Variants in ABI1 observed in about 807,000 individuals in gnomAD.
ABI1 encodes abl interactor 1, also known as Abelson interactor 1.
In ABI1, 14 loss-of-function variants were observed where a neutral mutation model predicts 54.6. The ratio of observed to expected loss-of-function variants is 0.26; its 90% CI spans 0.17 to 0.40. The LOEUF (loss-of-function observed/expected upper bound fraction) is 0.40, where lower values mean the gene tolerates loss of function less well. ABI1 is among the 10% of genes least tolerant of loss of function. The pLI, the probability that ABI1 is intolerant of heterozygous loss-of-function variation, is 1.00. For missense variants in ABI1, 443 were observed against 598.3 expected (o/e 0.74, Z 2.71); for synonymous variants, 194 against 209.3 (o/e 0.93, Z 0.63).
chr10:26,848,257 T>C (rs912463774), intron 1 of ABI1, among the ~76,000 whole-genome samples: 2 of 146,874 alleles, frequency 1.4e-5, no homozygotes, highest in Non-Finnish European at 3.0e-5. Context: ...AATATATTAG[T>C]ACCAAAGTGA....
At chr10:26,853,763 C>T (rs991812740) in intron 1 of ABI1, among the ~76,000 whole-genome samples, 1 of 151,902 alleles carries the variant, frequency 6.6e-6, no homozygotes, top group African/African-American at 2.4e-5. Context: ...AGGATGGTCT[C>T]GATCTTCTGA....
chr10:26,779,192 T>C (rs1841807550), intron 2 of ABI1, among the ~76,000 whole-genome samples: 1 of 152,180 alleles, frequency 6.6e-6, no homozygotes, highest in Non-Finnish European at 1.5e-5. Flanking sequence ...GACCAGTTAG[T>C]AGAAATTGAG....
At chr10:26,841,289 T>G (rs2049479625) in intron 1 of ABI1, among the ~76,000 whole-genome samples, 1 of 152,164 alleles carries the variant, frequency 6.6e-6, no homozygotes, top group African/African-American at 2.4e-5. Context: ...TTAAATAAAT[T>G]TTATTGTATA....
At chr10:26,802,978 A>G (rs2046656309) in intron 2 of ABI1, among the ~76,000 whole-genome samples, 1 of 152,254 alleles carries the variant, frequency 6.6e-6, no homozygotes, top group Non-Finnish European at 1.5e-5. Flanking sequence ...GGAAGATCAA[A>G]CAGAAGCTAT....
At chr10:26,782,787 T>G (rs564771099) in intron 2 of ABI1, among the ~76,000 whole-genome samples, 4 of 150,398 alleles carry the variant, frequency 2.7e-5, no homozygotes, top group Non-Finnish European at 4.4e-5. Context: ...ATACCACTTA[T>G]CATTAGGGCA....
chr10:26,788,424 T>C (rs1402838415), intron 2 of ABI1, among the ~76,000 whole-genome samples: 2 of 152,220 alleles, frequency 1.3e-5, no homozygotes, highest in Non-Finnish European at 2.9e-5. Context: ...ATCTGAATCT[T>C]ATTTATCAAA....
At chr10:26,848,200 CAAAAAAAAAAA>C (rs149066426) in intron 1 of ABI1, among the ~76,000 whole-genome samples, 1 of 78,690 alleles carries the variant, frequency 1.3e-5, no homozygotes, top group African/African-American at 4.9e-5. Flanking sequence ...GACCCTGTCT[CAAAAAAAAAAA>C]AAAAAAAAAA....
At chr10:26,832,501 G>A (rs549073594) in intron 1 of ABI1, among the ~76,000 whole-genome samples, 2 of 152,032 alleles carry the variant, frequency 1.3e-5, no homozygotes, top group Admixed American at 6.6e-5. Context: ...GAAGAATGGC[G>A]TGAACCCAGG....
intron 2 of ABI1, among the ~76,000 whole-genome samples, chr10:26,781,347 T>A (rs1329504859): frequency 6.6e-6 from 1 of 152,248 alleles, no homozygotes; most frequent in Non-Finnish European, 1.5e-5. Flanking sequence ...GCATCTCAGC[T>A]TTACATGAAA....
intron 1 of ABI1, among the ~76,000 whole-genome samples, chr10:26,835,383 T>C (rs921024545): frequency 3.0e-4 from 45 of 152,062 alleles, no homozygotes; most frequent in African/African-American, 9.7e-4. Flanking sequence ...AAGACCAGCC[T>C]GAGCAGCACA....
intron 5 of ABI1, 125 bp from the exon 6 acceptor site, chr10:26,769,117 T>C (rs1840340904): frequency 2.7e-6 from 2 of 734,362 alleles, no homozygotes; most frequent in African/African-American, 3.7e-5. Flanking sequence ...ATGACAAAGT[T>C]TGTAATTTTA....
intron 2 of ABI1, among the ~76,000 whole-genome samples, chr10:26,779,166 T>C (rs1841806516): frequency 6.6e-6 from 1 of 152,208 alleles, no homozygotes; most frequent in Non-Finnish European, 1.5e-5. Context: ...CAAAACTTTC[T>C]AGAAATGGAA....
chr10:26,774,994 A>G (rs1841205166), intron 3 of ABI1, among the ~76,000 whole-genome samples: 1 of 152,154 alleles, frequency 6.6e-6, no homozygotes, highest in Admixed American at 6.5e-5. Flanking sequence ...TTCTAAATAG[A>G]AAAGTGGGCA....
intron 2 of ABI1, among the ~76,000 whole-genome samples, chr10:26,785,398 G>A (rs1252960628): frequency 6.6e-6 from 1 of 152,152 alleles, no homozygotes; most frequent in Admixed American, 6.5e-5. Flanking sequence ...GGAGTAAAAG[G>A]CAGGTTTGTT....
rs1564443462 is a variant in ABI1, at chr10:26,746,826, A to C, written c.*1744T>G. ...GTTTGTCTTGATTTACCGTAGGAGTAAAGGTCAGAAAAATGTGAAGTCTGC... is the reference window on the plus strand; with the variant it reads ...GTTTGTCTTGATTTACCGTAGGAGTCAAGGTCAGAAAAATGTGAAGTCTGC... On this transcript the variant is annotated 3_prime_UTR_variant, in exon 11 of 11. Coordinates refer to ENST00000376140, the MANE Select transcript of ABI1 (RefSeq NM_001012750.3). The C allele has an allele frequency of 8.0e-6, 3 of 377,238 alleles. No individual in the cohort carries two copies. The highest frequency in any genetic ancestry group is 5.0e-6 in the Non-Finnish European group (1 of 201,436). The allele number at this position is 377,238 out of a possible 1,614,324, so 23.4% of individuals were successfully genotyped here. A position where few individuals can be genotyped will look rare whatever the true frequency, so the allele number is the denominator to read the frequency against.
Position 26,860,210 on chromosome 10 carries a change from C to T in ABI1, c.117+537G>A, listed in dbSNP as rs1210656966. On this transcript the variant is annotated intron_variant, in intron 1 of 10. Transcript: ENST00000376140. The surrounding 1 kb of genome is among the most constrained non-coding windows in gnomAD (Gnocchi z 4.1). ...AAGACACACCCTCTGGGGGCTGAAA[C>T]TGACATAATCGCCCCCACCCCACCC... Among the ~76,000 whole-genome samples the T allele has an allele frequency of 1.3e-5, 2 of 152,074 alleles. No individual in the cohort carries two copies. Among genetic ancestry groups the T allele is most frequent in the South Asian group, 2.1e-4 (1 of 4,828 alleles).
chr10:26,810,227 C>A (rs569719224), intron 2 of ABI1, among the ~76,000 whole-genome samples: 2 of 152,044 alleles, frequency 1.3e-5, no homozygotes, highest in African/African-American at 4.8e-5. Context: ...AATACCAAAC[C>A]CCTAACAGAA....
At chr10:26,779,109 T>A (rs1028907048) in intron 2 of ABI1, among the ~76,000 whole-genome samples, 1 of 152,186 alleles carries the variant, frequency 6.6e-6, no homozygotes, top group African/African-American at 2.4e-5. Flanking sequence ...CTCAGGACCA[T>A]CATAATTTTC....
Position 26,751,818 on chromosome 10 carries a change from A to G in ABI1, c.1085-35T>C, listed in dbSNP as rs530616563. On this transcript the variant is annotated intron_variant, in intron 9 of 10. Transcript: ENST00000376140. ...TTCATATGATTGATTTGAATCAAAA[A>G]TAAGTCTAGATGGAAACTTATAAGT... 20 of 1,549,290 alleles carry G rather than the reference A, an allele frequency of 1.3e-5. No individual in the cohort carries two copies. The South Asian group carries it at 1.3e-4, about 10-fold the overall frequency.
Sources: allele counts gnomAD v4.1 joint callset (sites outside exome capture counted in the v4.1 genomes callset), GRCh38; gene constraint gnomAD v4.1.1; non-coding constraint Gnocchi (gnomAD v3.1); transcripts MANE v1.5; gene names NCBI Gene and HGNC (gene_info 2026-07-23, HGNC 2026-07-21).